Variants in DUSP26 observed in about 807,000 individuals in gnomAD.
DUSP26 encodes the protein dual specificity phosphatase 26, also known as dual specificity protein phosphatase 26.
Under a neutral mutation model 20.0 loss-of-function variants are expected in DUSP26, and 12 were observed. The observed-to-expected ratio is 0.60, with a 90% CI of 0.38 to 0.97. DUSP26 has a LOEUF of 0.97. Among genes scored for constraint, DUSP26 ranks in the 50% least tolerant of loss-of-function variants. The pLI, the probability that DUSP26 is intolerant of heterozygous loss-of-function variation, is 0.00. For missense variants in DUSP26, 230 were observed against 294.0 expected (o/e 0.78, Z 1.59); for synonymous variants, 120 against 118.8 (o/e 1.01, Z -0.06).
chr8:33,595,351 G>GT (rs34329879), intron 2 of DUSP26, among the ~76,000 whole-genome samples: 3,261 of 149,298 alleles, frequency 0.022, 118 homozygotes, highest in African/African-American at 0.075. Flanking sequence ...CTGTGACTGT[G>GT]TTTTTTTTTG....
chr8:33,599,238 TC>T, intron 1 of DUSP26, among the ~76,000 whole-genome samples: 1 of 152,092 alleles, frequency 6.6e-6, no homozygotes, highest in Non-Finnish European at 1.5e-5. Flanking sequence ...ATACAACCTT[TC>T]CTCTTAGAGA....
chr8:33,598,395 CTG>C (rs1585381095), intron 1 of DUSP26, among the ~76,000 whole-genome samples: 2 of 146,660 alleles, frequency 1.4e-5, no homozygotes, highest in East Asian at 4.1e-4. Flanking sequence ...AGTGTTTTGT[CTG>C]TGTGTGTCTT....
intron 2 of DUSP26, among the ~76,000 whole-genome samples, chr8:33,595,918 C>T (rs1811133553): frequency 6.6e-6 from 1 of 152,184 alleles, no homozygotes; most frequent in African/African-American, 2.4e-5. Flanking sequence ...GTCTCCTCAT[C>T]TGTAACCCAG....
chr8:33,597,461 G>C lies in DUSP26; in HGVS notation c.55C>G (p.Arg19Gly). Residue 19 changes from arginine (R) to glycine (G), a missense_variant, in exon 2 of 4, where the codon CGG becomes GGG. By Grantham distance (125) the Arg-to-Gly change is moderately radical (BLOSUM62 -2). Coordinates refer to ENST00000256261, the MANE Select transcript of DUSP26 (RefSeq NM_024025.3). ...CGAACAGGAGACCTTGAGCTACTCC[G>C]GGAGAAGCGGGCCATAAAAGTCATA... ...ASMTFMARFS[R>G]SSSRSPVRTR... 1 of 1,614,054 alleles carries C rather than the reference G, an allele frequency of 6.2e-7. No homozygotes were observed. The highest frequency in any genetic ancestry group is 8.5e-7 in the Non-Finnish European group (1 of 1,179,994).
chr8:33,593,557 G>A lies in DUSP26; in HGVS notation c.412C>T (p.His138Tyr). Residue 138 changes from histidine (H) to tyrosine (Y), a missense_variant, in exon 3 of 4, where the codon CAC becomes TAC. His to Tyr is a moderately conservative substitution (Grantham distance 83). Coordinates refer to ENST00000256261, the MANE Select transcript of DUSP26 (RefSeq NM_024025.3). ...CCTCCTGGCTGGCTCAGCGCCCGGT[G>A]GATGAAGTCGGCAGCCGTCTGGAAG... ...IHFQTAADFI[H>Y]RALSQPGGKI... 6.2e-7 allele frequency: 1 copy of A among 1,613,882 alleles called. No individual in the cohort carries two copies. The highest frequency in any genetic ancestry group is 8.5e-7 in the Non-Finnish European group (1 of 1,179,768).
Position 33,597,603 on chromosome 8 carries a change from A to G in DUSP26, c.-76-12T>C. 1 of 1,188,284 alleles carries G rather than the reference A, an allele frequency of 8.4e-7. No homozygotes were observed. The highest frequency in any genetic ancestry group is 1.2e-6 in the Non-Finnish European group (1 of 843,140). The allele number at this position is 1,188,284 out of a possible 1,614,324, so 73.6% of individuals were successfully genotyped here. Reference sequence around the variant, plus strand: ...CCAGGTAGCTGCTGCTGGAAGAGGAAGGGGTGTGAGACACACTTGAGTGAG... The same window carrying G: ...CCAGGTAGCTGCTGCTGGAAGAGGAGGGGGTGTGAGACACACTTGAGTGAG... On this transcript the variant is annotated splice_polypyrimidine_tract_variant and intron_variant, in intron 1 of 3. Coordinates refer to ENST00000256261, the MANE Select transcript of DUSP26 (RefSeq NM_024025.3).
intron 3 of DUSP26, among the ~76,000 whole-genome samples, chr8:33,592,957 C>T (rs558926937): frequency 2.0e-5 from 3 of 152,278 alleles, no homozygotes; most frequent in African/African-American, 7.2e-5. Context: ...TCACTACAAC[C>T]TCTAATTCCT....
At chr8:33,594,884 C>T (rs1057331046) in intron 2 of DUSP26, among the ~76,000 whole-genome samples, 9 of 151,562 alleles carry the variant, frequency 5.9e-5, no homozygotes, top group Non-Finnish European at 2.9e-5. Context: ...CCACCATGCC[C>T]GGCTAATTTT....
chr8:33,593,828 C>A, intron 2 of DUSP26, 81 bp from the exon 3 acceptor site: 1 of 1,498,842 alleles, frequency 6.7e-7, no homozygotes, highest in South Asian at 1.2e-5. Flanking sequence ...CTGTTAACTT[C>A]CTGAATCCTA....
chr8:33,599,261 A>C (rs1364598193), intron 1 of DUSP26, among the ~76,000 whole-genome samples: 23 of 152,148 alleles, frequency 1.5e-4, no homozygotes, highest in Admixed American at 1.5e-3. Context: ...TCTGCTGTCT[A>C]CGAGATGATG....
intron 2 of DUSP26, among the ~76,000 whole-genome samples, chr8:33,597,064 G>T (rs1049876928): frequency 6.6e-6 from 1 of 152,054 alleles, no homozygotes; most frequent in Non-Finnish European, 1.5e-5. Context: ...CTTTCAAACT[G>T]CTGGGATCAC....
At chr8:33,599,336 CGG>C (rs1811219389) in intron 1 of DUSP26, among the ~76,000 whole-genome samples, 1 of 152,162 alleles carries the variant, frequency 6.6e-6, no homozygotes, top group East Asian at 1.9e-4. Context: ...CTGTTTTTCC[CGG>C]GGGATGCAGA....
rs1811173846 is a variant in DUSP26 at position 33,597,399 on chromosome 8, T to C, written c.117A>G (p.Gln39=). The C allele has an allele frequency of 1.9e-6, 3 of 1,614,038 alleles. No individual in the cohort carries two copies. The highest frequency in any genetic ancestry group is 2.5e-6 in the Non-Finnish European group (3 of 1,180,040). ...ACTCGAAGACATTGAGGAAAGGATGTTGAACGGTTGGCATCTCCTCCAGGG... is the reference window on the plus strand; with the variant it reads ...ACTCGAAGACATTGAGGAAAGGATGCTGAACGGTTGGCATCTCCTCCAGGG... The part of the protein sequence containing the change: ...RGTLEEMPTV[Q]HPFLNVFELE... Residue 39 remains glutamine, a synonymous_variant, in exon 2 of 4, where the codon CAA becomes CAG. Coordinates refer to ENST00000256261, the MANE Select transcript of DUSP26 (RefSeq NM_024025.3).
At position 33,597,470 on chromosome 8, in the gene DUSP26, G is replaced by A. The variant is rs370431912; in HGVS notation, c.46C>T (p.Arg16Cys). The A allele has an allele frequency of 5.9e-5, 96 of 1,613,850 alleles. No homozygotes were observed. Among genetic ancestry groups the A allele is most frequent in the Admixed American group, 6.7e-5 (4 of 59,966 alleles). ...GACCTTGAGCTACTCCGGGAGAAGC[G>A]GGCCATAAAAGTCATAGAAGCCCAA... ...WLWASMTFMA[R>C]FSRSSSRSPV... Residue 16 changes from arginine to cysteine, a missense_variant, in exon 2 of 4, where the codon CGC becomes TGC. Arg to Cys is a radical substitution (Grantham distance 180). Coordinates refer to ENST00000256261, the MANE Select transcript of DUSP26 (RefSeq NM_024025.3).
intron 1 of DUSP26, among the ~76,000 whole-genome samples, chr8:33,599,233 A>G (rs898182382): frequency 6.6e-6 from 1 of 150,612 alleles, no homozygotes; most frequent in South Asian, 2.1e-4. Context: ...TTGCAATACA[A>G]CCTTTCCTCT....
Position 33,593,186 on chromosome 8 carries a change from C to T in DUSP26, c.436+347G>A, listed in dbSNP as rs142121871. The stretch of plus-strand genomic sequence containing the variant: ...ACTTGGGAGGCTGAGGCAGGAGAAT[C>T]GCTTGAACCTGGGAGGCGGAGGTTA... On this transcript the variant is annotated intron_variant, in intron 3 of 3. Transcript: ENST00000256261. Among the ~76,000 whole-genome samples the T allele has an allele frequency of 9.4e-3, 1,430 of 152,136 alleles. 19 individuals carry two copies. The highest frequency in any genetic ancestry group is 0.032 in the African/African-American group (1,346 of 41,528).
intron 2 of DUSP26, among the ~76,000 whole-genome samples, chr8:33,594,753 T>C (rs1811103523): frequency 6.6e-6 from 1 of 150,874 alleles, no homozygotes; most frequent in Admixed American, 6.6e-5. Flanking sequence ...GGACAGAGTC[T>C]TGCTATGTCT....
intron 3 of DUSP26, among the ~76,000 whole-genome samples, chr8:33,592,790 G>A (rs1422558252): frequency 3.3e-5 from 5 of 152,164 alleles, no homozygotes; most frequent in Non-Finnish European, 5.9e-5. Flanking sequence ...ATAGAGTAGC[G>A]TGAATGAGTC....
rs1176287808 is a variant in DUSP26 at position 33,592,108 on chromosome 8, T to G, written c.541A>C (p.Lys181Gln). ...HHLTLVEAIK[K>Q]VKDHRGIIPN... ...ATGATGCCTCGGTGGTCTTTGACTT[T>G]CTTGATGGCCTCCACGAGGGTAAGG... The change falls in exon 4 of 4, where the codon AAA (lysine) becomes CAA (glutamine). Residue 181 changes from lysine to glutamine, a missense_variant. Coordinates refer to ENST00000256261, the MANE Select transcript of DUSP26 (RefSeq NM_024025.3). 18 of 1,613,594 alleles carry G rather than the reference T, an allele frequency of 1.1e-5. No homozygotes were observed. The highest frequency in any genetic ancestry group is 1.5e-5 in the Non-Finnish European group (18 of 1,179,904).
Sources: allele counts gnomAD v4.1 joint callset (sites outside exome capture counted in the v4.1 genomes callset), GRCh38; gene constraint gnomAD v4.1.1; transcripts MANE v1.5; gene names NCBI Gene and HGNC (gene_info 2026-07-23, HGNC 2026-07-21).